DENND1B: variants seen among roughly 807,000 people sequenced by gnomAD.
The protein encoded by DENND1B is DENN domain-containing protein 1B.
Under a neutral mutation model 90.1 loss-of-function variants are expected in DENND1B, and 59 were observed. That is an observed-to-expected ratio of 0.65 (90% CI 0.53 to 0.81). The LOEUF (loss-of-function observed/expected upper bound fraction) is 0.81, where lower values mean the gene tolerates loss of function less well. Ranked by LOEUF, DENND1B falls within the 40% of genes least tolerant of loss-of-function variation. DENND1B has a pLI of 0.00. For synonymous variants in DENND1B, 337 were observed against 324.6 expected (o/e 1.04, Z -0.41); for missense variants, 862 against 912.6 (o/e 0.94, Z 0.71).
chr1:197,626,394 A>C (rs964636492), intron 10 of DENND1B, among the ~76,000 whole-genome samples: 1 of 152,206 alleles, frequency 6.6e-6, no homozygotes, highest in Non-Finnish European at 1.5e-5. Flanking sequence ...AACTACATGG[A>C]AACTGAACAA....
At chr1:197,767,914 T>G (rs544367322) in intron 2 of DENND1B, among the ~76,000 whole-genome samples, 1 of 152,182 alleles carries the variant, frequency 6.6e-6, no homozygotes, top group East Asian at 1.9e-4. Flanking sequence ...CACTATGCAA[T>G]GGGAGGCAAC....
intron 13 of DENND1B, chr1:197,606,753 C>G (rs1676719338): frequency 5.2e-6 from 1 of 191,832 alleles, no homozygotes; most frequent in Admixed American, 6.2e-5. Flanking sequence ...TGCCACTAGG[C>G]AGACAGAAAT....
rs142522376 is a variant in DENND1B at position 197,609,203 on chromosome 1, A to G, written c.820-2029T>C. 2.2e-3 allele frequency among the ~76,000 whole-genome samples: 327 copies of G among 150,784 alleles called. 3 individuals carry two copies. Among genetic ancestry groups the G allele is most frequent in the African/African-American group, 7.7e-3 (320 of 41,380 alleles). On this transcript the variant is annotated intron_variant, in intron 12 of 22. Transcript: ENST00000620048. Reference sequence around the variant, plus strand: ...AAAATAAGAAAATAATATTAGACATAGACTGAAATGCTTATTAAGAACAAC... The same window carrying G: ...AAAATAAGAAAATAATATTAGACATGGACTGAAATGCTTATTAAGAACAAC...
At chr1:197,755,897 C>T (rs1388735527) in intron 2 of DENND1B, among the ~76,000 whole-genome samples, 1 of 152,212 alleles carries the variant, frequency 6.6e-6, no homozygotes, top group Non-Finnish European at 1.5e-5. Flanking sequence ...ATTCAATCAT[C>T]TCCCAGCGGG....
At chr1:197,716,161 T>C (rs929713944) in intron 2 of DENND1B, among the ~76,000 whole-genome samples, 11 of 151,988 alleles carry the variant, frequency 7.2e-5, no homozygotes, top group Admixed American at 6.6e-4. Flanking sequence ...TATTTCAAAA[T>C]TTTTAATTAT....
chr1:197,662,515 CACAG>C (rs1473857204), intron 5 of DENND1B, among the ~76,000 whole-genome samples: 3 of 151,892 alleles, frequency 2.0e-5, no homozygotes, highest in African/African-American at 4.8e-5. Flanking sequence ...AGGGGTCTAC[CACAG>C]ACAGTCTATC....
At chr1:197,587,293 G>A (rs1044951683) in intron 14 of DENND1B, among the ~76,000 whole-genome samples, 2 of 152,028 alleles carry the variant, frequency 1.3e-5, no homozygotes, top group African/African-American at 4.8e-5. Flanking sequence ...GAGACACAAA[G>A]TAACCACGTA....
chr1:197,680,027 A>G (rs918923795), intron 3 of DENND1B, among the ~76,000 whole-genome samples: 1 of 151,980 alleles, frequency 6.6e-6, no homozygotes, highest in Non-Finnish European at 1.5e-5. Flanking sequence ...GCATGCACCT[A>G]TAGTCCCAGC....
At chr1:197,650,326 A>G (rs1036625534) in intron 7 of DENND1B, among the ~76,000 whole-genome samples, 2 of 152,216 alleles carry the variant, frequency 1.3e-5, no homozygotes, top group Non-Finnish European at 2.9e-5. Flanking sequence ...CTAAACAAAT[A>G]TTAAACTGAT....
chr1:197,612,489 A>G (rs1445208918), intron 11 of DENND1B, among the ~76,000 whole-genome samples: 2 of 150,602 alleles, frequency 1.3e-5, no homozygotes, highest in South Asian at 2.1e-4. Flanking sequence ...GCAAATATCT[A>G]TCAAGACTTA....
chr1:197,607,218 T>C, intron 12 of DENND1B, 44 bp from the exon 13 acceptor site: 1 of 1,328,462 alleles, frequency 7.5e-7, no homozygotes, highest in South Asian at 1.4e-5. Flanking sequence ...GTATATTTAC[T>C]TTACAAAGTT....
intron 12 of DENND1B, among the ~76,000 whole-genome samples, chr1:197,609,264 C>T (rs1676970986): frequency 6.6e-6 from 1 of 150,626 alleles, no homozygotes; most frequent in African/African-American, 2.4e-5. Context: ...CTTTCTCACA[C>T]CCTCTATGTT....
chr1:197,639,711 T>A (rs80077082), intron 10 of DENND1B, among the ~76,000 whole-genome samples: 2,660 of 152,166 alleles, frequency 0.017, 75 homozygotes, highest in African/African-American at 0.06. Context: ...ATAAAAAGCT[T>A]AAAAACAAGT....
At chr1:197,662,567 T>C (rs1042315324) in intron 5 of DENND1B, among the ~76,000 whole-genome samples, 1 of 152,006 alleles carries the variant, frequency 6.6e-6, no homozygotes, top group Non-Finnish European at 1.5e-5. Flanking sequence ...AGCGAGCCTT[T>C]TTTAAAAAAT....
intron 10 of DENND1B, among the ~76,000 whole-genome samples, chr1:197,624,696 G>T (rs990205399): frequency 6.6e-6 from 1 of 151,842 alleles, no homozygotes; most frequent in African/African-American, 2.4e-5. Flanking sequence ...AGAGAAGAAG[G>T]CTTCAGACGA....
intron 10 of DENND1B, among the ~76,000 whole-genome samples, chr1:197,631,272 T>C (rs761083889): frequency 3.3e-5 from 5 of 152,134 alleles, no homozygotes; most frequent in African/African-American, 4.8e-5. Flanking sequence ...ACAATAAATA[T>C]ACAATATAAG....
In DENND1B at chr1:197,510,694, T is replaced by C; in HGVS notation, c.2094A>G (p.Lys698=). ...LTSPEVSQTD[K]GKTEKRETLS... The stretch of plus-strand genomic sequence containing the variant: ...GTGTTTCCCTCTTTTCTGTTTTTCC[T>C]TTATCAGTCTGGGAAACTTCAGGGG... Residue 698 remains lysine, a synonymous_variant, in exon 23 of 23, where the codon AAA becomes AAG. Coordinates refer to ENST00000620048, the MANE Select transcript of DENND1B (RefSeq NM_001195215.2). The C allele has an allele frequency of 6.2e-7, 1 of 1,612,798 alleles. No individual in the cohort carries two copies. The highest frequency in any genetic ancestry group is 8.5e-7 in the Non-Finnish European group (1 of 1,179,226).
At chr1:197,636,908 T>G (rs774324555) in intron 10 of DENND1B, among the ~76,000 whole-genome samples, 4 of 151,792 alleles carry the variant, frequency 2.6e-5, no homozygotes, top group Non-Finnish European at 5.9e-5. Flanking sequence ...AGAAGGAGAC[T>G]ATGGGGAAAA....
At chr1:197,732,967 A>G (rs1211863104) in intron 2 of DENND1B, among the ~76,000 whole-genome samples, 1 of 152,200 alleles carries the variant, frequency 6.6e-6, no homozygotes, top group African/African-American at 2.4e-5. Flanking sequence ...AATGCCAAAT[A>G]CCAAATTGGA....
Sources: gnomAD v4.1 joint callset for allele counts (sites outside exome capture counted in the v4.1 genomes callset) on GRCh38, gnomAD v4.1.1 for gene constraint, MANE v1.5 for transcripts, NCBI Gene and HGNC (gene_info 2026-07-23, HGNC 2026-07-21) for gene names.